COPS8: variants seen among roughly 807,000 people sequenced by gnomAD.
The protein encoded by COPS8 is COP9 signalosome complex subunit 8.
COPS8 carries 11 observed loss-of-function variants against 31.5 expected under a neutral mutation model. The ratio of observed to expected loss-of-function variants is 0.35; its 90% CI spans 0.22 to 0.58. The LOEUF (loss-of-function observed/expected upper bound fraction) is 0.58. Among genes scored for constraint, COPS8 ranks in the 20% least tolerant of loss-of-function variants. The pLI is 0.83. For missense variants in COPS8, 215 were observed against 255.1 expected, an observed-to-expected ratio of 0.84 and a Z score of 1.07; for synonymous variants, 81 against 89.3, an observed-to-expected ratio of 0.91 and a Z score of 0.52.
chr2:237,097,852 CCTTA>C lies in COPS8; in HGVS notation c.*113_*116del. The C allele has an allele frequency of 1.4e-6, 1 of 691,166 alleles. No individual in the cohort carries two copies. Among genetic ancestry groups the C allele is most frequent in the South Asian group, 1.8e-5 (1 of 54,912 alleles). The allele number at this position is 691,166 out of a possible 1,614,324, so 42.8% of individuals were successfully genotyped here. On this transcript the variant is annotated 3_prime_UTR_variant, in exon 8 of 8. Transcript: ENST00000354371. ...TGGATGGCTTAAGCACCTCAGCATT[CCTTA>C]CTATGTGATAAAATACATATAGAAT... is the stretch of plus-strand genomic sequence containing the variant.
intron 7 of COPS8, 124 bp from the exon 8 acceptor site, chr2:237,097,539 G>A (rs959466631): frequency 2.7e-5 from 18 of 672,956 alleles, no homozygotes; most frequent in Middle Eastern, 5.0e-4. Flanking sequence ...TCTAAAACCA[G>A]GACAAATCTA....
At chr2:237,086,967 C>G (rs1399171042) in intron 1 of COPS8, among the ~76,000 whole-genome samples, 160 bp from the exon 2 acceptor site, 1 of 152,110 alleles carries the variant, frequency 6.6e-6, no homozygotes, top group African/African-American at 2.4e-5. Flanking sequence ...GTTTCTAAAT[C>G]TATAATAGGA....
chr2:237,096,403 C>T (rs1310634393), intron 6 of COPS8, among the ~76,000 whole-genome samples: 1 of 152,110 alleles, frequency 6.6e-6, no homozygotes, highest in Non-Finnish European at 1.5e-5. Flanking sequence ...TGGAAGTGAG[C>T]CACACTCATT....
Position 237,089,881 on chromosome 2 carries a change from G to T in COPS8, c.218G>T (p.Gly73Val), listed in dbSNP as rs776741758. Residue 73 changes from glycine to valine, a missense_variant, in exon 4 of 8, where the codon GGA (glycine) becomes GTA (valine). Physicochemically the swap from Gly to Val is moderately radical, Grantham distance 109. Coordinates refer to ENST00000354371, the MANE Select transcript of COPS8 (RefSeq NM_006710.5). ...TTGCAGGCAAATTCTGAACTTGGGG[G>T]AATTTGGTCAGTAGGACAAAGAATC... is the stretch of plus-strand genomic sequence containing the variant. ...AIKSANSELG[G>V]IWSVGQRIWQ... 1 of 1,612,530 alleles carries T rather than the reference G, an allele frequency of 6.2e-7. No homozygotes were observed. Among genetic ancestry groups the T allele is most frequent in the Admixed American group, 1.7e-5 (1 of 59,996 alleles).
At chr2:237,090,718 A>G (rs374715296) in intron 4 of COPS8, among the ~76,000 whole-genome samples, 1 of 152,222 alleles carries the variant, frequency 6.6e-6, no homozygotes, top group African/African-American at 2.4e-5. Flanking sequence ...AAGGGATATC[A>G]GCTTTACAGG....
At chr2:237,094,047 GCTCCCTGGTTCA>G (rs750418832) in intron 4 of COPS8, 31 bp from the exon 5 acceptor site, 469 of 1,598,128 alleles carry the variant, frequency 2.9e-4, no homozygotes, top group Admixed American at 1.1e-3. Flanking sequence ...TGAAAATGCT[GCTCCCTGGTTCA>G]CTCTCTGCCA....
Position 237,088,682 on chromosome 2 carries a change from C to A in COPS8, c.198+29C>A, listed in dbSNP as rs377666250. The A allele has an allele frequency of 1.2e-4, 171 of 1,442,934 alleles. 1 individual carries two copies. Among genetic ancestry groups the A allele is most frequent in the Admixed American group, 1.6e-4 (8 of 50,672 alleles). The allele number at this position is 1,442,934 out of a possible 1,614,324, so 89.4% of individuals were successfully genotyped here. On this transcript the variant is annotated intron_variant, in intron 3 of 7. Transcript: ENST00000354371. ...AGTATCCTTTAAACCTATTTTACTG[C>A]TTTAATGTAATGACATTCCCTTAAA...
At chr2:237,095,997 T>C (rs1308470773) in intron 6 of COPS8, 113 bp downstream of exon 6, 3 of 698,380 alleles carry the variant, frequency 4.3e-6, no homozygotes, top group Non-Finnish European at 7.7e-6. Flanking sequence ...ACTAACACAA[T>C]GGAAATAACT....
At position 237,096,848 on chromosome 2, in the gene COPS8, A is replaced by C. The variant is rs781010844; in HGVS notation, c.529A>C (p.Asn177His). 6.2e-7 allele frequency: 1 copy of C among 1,610,824 alleles called. No individual in the cohort carries two copies. The highest frequency in any genetic ancestry group is 8.5e-7 in the Non-Finnish European group (1 of 1,178,180). Residue 177 changes from asparagine (N) to histidine (H), a missense_variant, in exon 7 of 8, where the codon AAC (asparagine) becomes CAC (histidine). Transcript: ENST00000354371. Reference protein sequence around the residue: ...PVAGALDVSFNKFIPLSEPAP... With the variant: ...PVAGALDVSFHKFIPLSEPAP... ...TGCAGGGGCCCTGGATGTTTCCTTT[A>C]ACAAGTTTATTCCCTTATCAGGTAT...
chr2:237,086,983 A>G (rs1322022136), intron 1 of COPS8, 144 bp from the exon 2 acceptor site: 8 of 577,436 alleles, frequency 1.4e-5, no homozygotes, highest in Middle Eastern at 4.7e-4. Context: ...TAGGACTATA[A>G]GATTACTTAT....
chr2:237,085,927 G>A lies in COPS8; in HGVS notation c.-38G>A. The A allele has an allele frequency of 1.3e-6, 2 of 1,595,922 alleles. No homozygotes were observed. Among genetic ancestry groups the A allele is most frequent in the Admixed American group, 1.7e-5 (1 of 58,580 alleles). ...CGCCTGAGGGACAGTCTGGGGTTTG[G>A]CTGTCCGGACGGTGCAGCGGCGAGG... On this transcript the variant is annotated 5_prime_UTR_variant, in exon 1 of 8. Transcript: ENST00000354371.
chr2:237,094,114 C>G lies in COPS8; in HGVS notation c.356C>G (p.Ala119Gly), dbSNP rs1434384413. The G allele has an allele frequency of 1.2e-6, 2 of 1,613,702 alleles. No individual in the cohort carries two copies. The highest frequency in any genetic ancestry group is 3.3e-5 in the Admixed American group (2 of 59,960). ...GATGCAACAAGGAGACGCGCCTTTG[C>G]CCTGGTCTCTCAAGCGTATACTTCA... ...LRDATRRRAF[A>G]LVSQAYTSII... Residue 119 changes from alanine (A) to glycine (G), a missense_variant, in exon 5 of 8, where the codon GCC becomes GGC. Physicochemically the swap from Ala to Gly is moderately conservative, Grantham distance 60 (BLOSUM62 0). Coordinates refer to ENST00000354371, the MANE Select transcript of COPS8 (RefSeq NM_006710.5).
At chr2:237,093,033 G>A (rs1696734436) in intron 4 of COPS8, among the ~76,000 whole-genome samples, 1 of 152,210 alleles carries the variant, frequency 6.6e-6, no homozygotes, top group South Asian at 2.1e-4. Flanking sequence ...GCTTGTTAAA[G>A]TAGAAGTGTA....
chr2:237,095,206 A>G (rs935457200), intron 5 of COPS8, among the ~76,000 whole-genome samples: 15 of 152,184 alleles, frequency 9.9e-5, no homozygotes, highest in Non-Finnish European at 2.9e-5. Flanking sequence ...TTTTCTATAT[A>G]TAACATACTT....
intron 6 of COPS8, 78 bp downstream of exon 6, chr2:237,095,962 A>G (rs997049980): frequency 3.1e-6 from 3 of 979,220 alleles, no homozygotes; most frequent in Non-Finnish European, 4.9e-6. Flanking sequence ...TTGGTTTTTG[A>G]TAATTGGATG....
At chr2:237,092,367 C>G (rs1263499028) in intron 4 of COPS8, among the ~76,000 whole-genome samples, 11 of 152,144 alleles carry the variant, frequency 7.2e-5, no homozygotes, top group Non-Finnish European at 1.6e-4. Flanking sequence ...GTTTTTCTTT[C>G]CTTTTCCAGT....
chr2:237,096,742 T>C (rs1696807536), intron 6 of COPS8, 80 bp from the exon 7 acceptor site: 2 of 1,074,178 alleles, frequency 1.9e-6, no homozygotes, highest in South Asian at 2.6e-5. Context: ...ATGCATGTTG[T>C]GCTGAAAATA....
At chr2:237,087,351 T>A (rs1170789744) in intron 2 of COPS8, 154 bp downstream of exon 2, 4 of 567,328 alleles carry the variant, frequency 7.1e-6, no homozygotes, top group African/African-American at 1.9e-5. Context: ...GAATCATAGG[T>A]TAATGAATTA....
In COPS8 at chr2:237,097,399, A is replaced by G. The variant is rs113317026; in HGVS notation, c.551-264A>G. ...TGATAAAAGTGTCTTTAACCTTTAC[A>G]TAGAATACTTCAGTAACAACAACAT... On this transcript the variant is annotated intron_variant, in intron 7 of 7. Coordinates refer to ENST00000354371, the MANE Select transcript of COPS8 (RefSeq NM_006710.5). Among the ~76,000 whole-genome samples the G allele has an allele frequency of 6.5e-3, 984 of 152,186 alleles. 8 individuals are homozygous for G. The highest frequency in any genetic ancestry group is 0.023 in the African/African-American group (953 of 41,542).
Sources: gnomAD v4.1 joint callset for allele counts (sites outside exome capture counted in the v4.1 genomes callset) on GRCh38, gnomAD v4.1.1 for gene constraint, MANE v1.5 for transcripts, NCBI Gene and HGNC (gene_info 2026-07-23, HGNC 2026-07-21) for gene names.